Variants in LMBRD1 observed in about 807,000 individuals in gnomAD.
LMBRD1 encodes LMBR1 domain containing 1.
In LMBRD1, 64 loss-of-function variants were observed where a neutral mutation model predicts 74.8. That is an observed-to-expected ratio of 0.86 (90% CI 0.70 to 1.05). LMBRD1 has a LOEUF of 1.05. Ranked by LOEUF, LMBRD1 falls within the 50% of genes least tolerant of loss-of-function variation. The probability of loss-of-function intolerance (pLI) is 0.00; values close to 1 mark genes in which losing one functional copy is unlikely to be tolerated. For missense variants in LMBRD1, 652 were observed against 645.9 expected (o/e 1.01, Z -0.10); for synonymous variants, 204 against 216.3 (o/e 0.94, Z 0.50).
At chr6:69,761,318 T>TA (rs1183169871) in intron 3 of LMBRD1, among the ~76,000 whole-genome samples, 1 of 151,754 alleles carries the variant, frequency 6.6e-6, no homozygotes, top group Non-Finnish European at 1.5e-5. Flanking sequence ...GCCATTTTTT[T>TA]AACAAAAAAA....
chr6:69,708,894 T>C (rs1484511417), intron 9 of LMBRD1, among the ~76,000 whole-genome samples: 1 of 152,162 alleles, frequency 6.6e-6, no homozygotes, highest in Non-Finnish European at 1.5e-5. Context: ...CAAGTGGACC[T>C]AGATCCACTT....
chr6:69,788,821 C>G (rs1307010535), intron 2 of LMBRD1, among the ~76,000 whole-genome samples: 1 of 152,168 alleles, frequency 6.6e-6, no homozygotes, highest in African/African-American at 2.4e-5. Flanking sequence ...TGTTTAGAAG[C>G]CATCTTCCCA....
At chr6:69,777,111 G>C (rs1582152753) in intron 3 of LMBRD1, among the ~76,000 whole-genome samples, 1 of 152,028 alleles carries the variant, frequency 6.6e-6, no homozygotes, top group East Asian at 1.9e-4. Flanking sequence ...TTGTGCCACT[G>C]CACTCTAGCC....
intron 7 of LMBRD1, among the ~76,000 whole-genome samples, chr6:69,726,193 TTA>T (rs1407237617): frequency 6.6e-6 from 1 of 152,194 alleles, no homozygotes; most frequent in Non-Finnish European, 1.5e-5. Flanking sequence ...TTCACTCTGA[TTA>T]AAAGGGCTTT....
intron 3 of LMBRD1, among the ~76,000 whole-genome samples, chr6:69,756,160 A>G (rs534524783): frequency 6.6e-6 from 1 of 152,312 alleles, no homozygotes; most frequent in South Asian, 2.1e-4. Flanking sequence ...CAGGAGTTCC[A>G]GGCCAGCCTG....
rs137908838 is a variant in LMBRD1, at chr6:69,776,911, T to C, written c.307+3583A>G. Among the ~76,000 whole-genome samples, 25 of 152,270 alleles carry C rather than the reference T, an allele frequency of 1.6e-4. No individual in the cohort carries two copies. In the South Asian group the frequency reaches 4.1e-3, roughly 25 times the overall value. The stretch of plus-strand genomic sequence containing the variant: ...GGCTCACGTCTGTAATCCCAGCACT[T>C]TGAGACGGGCAGATCGCTTGAGGTC... On this transcript the variant is annotated intron_variant, in intron 3 of 15. Transcript: ENST00000649934.
At chr6:69,706,146 C>T (rs562683592) in intron 9 of LMBRD1, 23 of 533,552 alleles carry the variant, frequency 4.3e-5, no homozygotes, top group African/African-American at 3.4e-4. Flanking sequence ...TGTCCATGTC[C>T]ATCAAATCTT....
In LMBRD1 at chr6:69,675,230, C is replaced by CT. The variant is rs955603359; in HGVS notation, c.*927dup. On this transcript the variant is annotated 3_prime_UTR_variant, in exon 16 of 16. Transcript: ENST00000649934. ...TTTACCTCAAGGATCATGATATATA[C>CT]TTTTTTATGAGTTCTAATGTGCTTA... Among the ~76,000 whole-genome samples, 7 of 151,986 alleles carry CT rather than the reference C, an allele frequency of 4.6e-5. No homozygotes were observed. The highest frequency in any genetic ancestry group is 1.2e-4 in the African/African-American group (5 of 41,398).
intron 3 of LMBRD1, among the ~76,000 whole-genome samples, chr6:69,776,035 GAAT>G (rs1167076916): frequency 6.6e-6 from 1 of 152,146 alleles, no homozygotes; most frequent in Non-Finnish European, 1.5e-5. Flanking sequence ...TTTCTGATAA[GAAT>G]AATGGCAATA....
intron 9 of LMBRD1, among the ~76,000 whole-genome samples, chr6:69,713,046 G>A (rs755874228): frequency 1.3e-5 from 2 of 152,026 alleles, no homozygotes; most frequent in Non-Finnish European, 2.9e-5. Flanking sequence ...CCATAAAAGT[G>A]GGAGGAAACA....
At position 69,675,444 on chromosome 6, in the gene LMBRD1, T is replaced by C. The variant is rs186842212; in HGVS notation, c.*714A>G. On this transcript the variant is annotated 3_prime_UTR_variant, in exon 16 of 16. Transcript: ENST00000649934. ...ATTAATCCATAAACTGATTTTTTTT[T>C]CCAGGATTAATTATTCTTGACAATA... is the stretch of plus-strand genomic sequence containing the variant. Among the ~76,000 whole-genome samples, 11 of 151,596 alleles carry C rather than the reference T, an allele frequency of 7.3e-5. No homozygotes were observed. The East Asian group carries it at 1.3e-3, about 19-fold the overall frequency.
intron 3 of LMBRD1, among the ~76,000 whole-genome samples, chr6:69,776,894 T>A (rs1363551927): frequency 1.3e-5 from 2 of 152,136 alleles, no homozygotes; most frequent in African/African-American, 4.8e-5. Flanking sequence ...GTGGCTCACG[T>A]CTGTAATCCC....
intron 1 of LMBRD1, among the ~76,000 whole-genome samples, chr6:69,791,879 C>T (rs1449387089): frequency 6.6e-6 from 1 of 152,136 alleles, no homozygotes; most frequent in Non-Finnish European, 1.5e-5. Flanking sequence ...CTAATAAGAC[C>T]CTGAAAAACC....
At chr6:69,724,361 A>C (rs1313796419) in intron 7 of LMBRD1, among the ~76,000 whole-genome samples, 12 of 149,462 alleles carry the variant, frequency 8.0e-5, no homozygotes, top group African/African-American at 2.2e-4. Flanking sequence ...AAAAAAAAAA[A>C]AAAACACTAC....
chr6:69,749,692 A>T (rs1310820549), intron 4 of LMBRD1, among the ~76,000 whole-genome samples: 3 of 151,748 alleles, frequency 2.0e-5, no homozygotes, highest in Non-Finnish European at 4.4e-5. Context: ...TAGTAAAATT[A>T]TCAGAATATG....
At chr6:69,788,510 GAAATT>G (rs1384707104) in intron 2 of LMBRD1, among the ~76,000 whole-genome samples, 2 of 152,056 alleles carry the variant, frequency 1.3e-5, no homozygotes, top group Non-Finnish European at 2.9e-5. Flanking sequence ...AGAGCCAAAA[GAAATT>G]AAACATTTTT....
intron 3 of LMBRD1, among the ~76,000 whole-genome samples, chr6:69,778,820 CGAAA>C (rs552582010): frequency 3.0e-4 from 46 of 151,782 alleles, no homozygotes; most frequent in African/African-American, 1.1e-3. Context: ...AAAATCTACC[CGAAA>C]GAAATAAAAT....
intron 6 of LMBRD1, among the ~76,000 whole-genome samples, chr6:69,740,823 A>C (rs771007206): frequency 2.0e-5 from 3 of 152,192 alleles, no homozygotes; most frequent in Non-Finnish European, 4.4e-5. Flanking sequence ...ATGCACAAGG[A>C]ATTTTGAGTA....
intron 8 of LMBRD1, among the ~76,000 whole-genome samples, chr6:69,718,197 T>C (rs1052919185): frequency 6.6e-6 from 1 of 152,142 alleles, no homozygotes; most frequent in Admixed American, 6.6e-5. Context: ...TTTTACAGTA[T>C]TTTTAGAAGT....
Sources: allele counts gnomAD v4.1 joint callset (sites outside exome capture counted in the v4.1 genomes callset), GRCh38; gene constraint gnomAD v4.1.1; transcripts MANE v1.5; gene names NCBI Gene and HGNC (gene_info 2026-07-23, HGNC 2026-07-21).